CNTN1: variants seen among roughly 807,000 people sequenced by gnomAD.
CNTN1 encodes the protein contactin-1.
In CNTN1, 38 loss-of-function variants were observed where a neutral mutation model predicts 126.4. That is an observed-to-expected ratio of 0.30 (90% CI 0.23 to 0.39). CNTN1 has a LOEUF of 0.39. Ranked by LOEUF, CNTN1 falls within the 10% of genes least tolerant of loss-of-function variation. CNTN1 has a pLI of 1.00. For missense variants in CNTN1, 1,009 were observed against 1,248.4 expected, an observed-to-expected ratio of 0.81 and a Z score of 2.89; for synonymous variants, 413 against 422.6, an observed-to-expected ratio of 0.98 and a Z score of 0.28.
At chr12:40,864,343 A>G (rs1943226753) in intron 1 of CNTN1, among the ~76,000 whole-genome samples, 1 of 151,696 alleles carries the variant, frequency 6.6e-6, no homozygotes, top group Non-Finnish European at 1.5e-5. Flanking sequence ...TCTTTTAATA[A>G]CTTTATTGAG....
At chr12:40,857,764 G>A (rs993282512) in intron 1 of CNTN1, among the ~76,000 whole-genome samples, 2 of 152,138 alleles carry the variant, frequency 1.3e-5, no homozygotes. Flanking sequence ...GCTGAGCTCT[G>A]CATACACAGC....
At chr12:41,052,559 TTTG>T (rs1172362142) in intron 23 of CNTN1, among the ~76,000 whole-genome samples, 1 of 152,268 alleles carries the variant, frequency 6.6e-6, no homozygotes, top group East Asian at 1.9e-4. Context: ...AATTTTCTTA[TTTG>T]TTTTCTTTAT....
intron 23 of CNTN1, among the ~76,000 whole-genome samples, chr12:41,061,119 C>T (rs987466203): frequency 1.3e-5 from 2 of 152,184 alleles, no homozygotes; most frequent in Non-Finnish European, 2.9e-5. Flanking sequence ...GTGTAAATGT[C>T]ACCTTGCATT....
chr12:40,882,982 G>A (rs1385237089), intron 1 of CNTN1, among the ~76,000 whole-genome samples: 1 of 151,484 alleles, frequency 6.6e-6, no homozygotes, highest in Non-Finnish European at 1.5e-5. Flanking sequence ...AGATGCATCT[G>A]ATCGTCTTTC....
intron 6 of CNTN1, among the ~76,000 whole-genome samples, chr12:40,926,080 C>T (rs59111015): frequency 6.6e-6 from 1 of 151,134 alleles, no homozygotes; most frequent in African/African-American, 2.4e-5. Flanking sequence ...ACAGGAAAAG[C>T]TACCAGCCTT....
At chr12:41,058,196 CT>C (rs1949866773) in intron 23 of CNTN1, among the ~76,000 whole-genome samples, 1 of 152,098 alleles carries the variant, frequency 6.6e-6, no homozygotes, top group Non-Finnish European at 1.5e-5. Context: ...TCCCAAGCTT[CT>C]TTTTAGGTTT....
chr12:40,835,026 GAAT>G (rs1313817692), intron 1 of CNTN1, among the ~76,000 whole-genome samples: 4 of 152,248 alleles, frequency 2.6e-5, no homozygotes, highest in African/African-American at 9.6e-5. Context: ...TAAAAGTGGA[GAAT>G]AAGAACTTTA....
chr12:40,840,362 C>T (rs1031979419), intron 1 of CNTN1, among the ~76,000 whole-genome samples: 1 of 151,780 alleles, frequency 6.6e-6, no homozygotes, highest in Non-Finnish European at 1.5e-5. Flanking sequence ...ATTACTAGAT[C>T]TAAAGAGAGA....
At chr12:41,000,037 A>G (rs1200228578) in intron 17 of CNTN1, among the ~76,000 whole-genome samples, 2 of 152,068 alleles carry the variant, frequency 1.3e-5, no homozygotes, top group African/African-American at 4.8e-5. Context: ...CCCATTTTCC[A>G]TGGACTGAGC....
chr12:40,796,687 G>A (rs193245684), intron 1 of CNTN1, among the ~76,000 whole-genome samples: 2 of 152,158 alleles, frequency 1.3e-5, no homozygotes, highest in African/African-American at 4.8e-5. Flanking sequence ...GTGGGAATCT[G>A]GGACAGAAAT....
intron 1 of CNTN1, among the ~76,000 whole-genome samples, chr12:40,807,772 T>A (rs1331779797): frequency 6.6e-6 from 1 of 152,208 alleles, no homozygotes; most frequent in East Asian, 1.9e-4. Flanking sequence ...TTTAGGTAAC[T>A]ACCTTGTAAA....
chr12:40,933,206 A>AT (rs567517218), intron 7 of CNTN1, among the ~76,000 whole-genome samples: 21 of 151,758 alleles, frequency 1.4e-4, no homozygotes, highest in African/African-American at 3.6e-4. Flanking sequence ...TAAAGACAGG[A>AT]TTTTTTTTAG....
chr12:40,788,829 C>T (rs1258202016), intron 1 of CNTN1, among the ~76,000 whole-genome samples: 1 of 152,094 alleles, frequency 6.6e-6, no homozygotes, highest in Non-Finnish European at 1.5e-5. Flanking sequence ...TGCCTCATCA[C>T]ATATATCATA....
intron 23 of CNTN1, among the ~76,000 whole-genome samples, chr12:41,045,616 G>C (rs925427647): frequency 6.6e-6 from 1 of 152,046 alleles, no homozygotes; most frequent in Non-Finnish European, 1.5e-5. Context: ...TACTACATTA[G>C]GGACCAGCTT....
chr12:40,952,820 A>G (rs964214502), intron 14 of CNTN1, among the ~76,000 whole-genome samples: 1 of 152,176 alleles, frequency 6.6e-6, no homozygotes, highest in Non-Finnish European at 1.5e-5. Context: ...AAAGTAAAGA[A>G]GAAACGTTTT....
intron 1 of CNTN1, among the ~76,000 whole-genome samples, chr12:40,768,279 T>C (rs964147569): frequency 6.6e-6 from 1 of 152,234 alleles, no homozygotes; most frequent in Non-Finnish European, 1.5e-5. Flanking sequence ...GTCACGTAGC[T>C]GGTAAGGGTT....
chr12:41,039,295 G>A (rs766994501), intron 23 of CNTN1, among the ~76,000 whole-genome samples: 3 of 152,144 alleles, frequency 2.0e-5, no homozygotes, highest in Non-Finnish European at 4.4e-5. Flanking sequence ...CCAAGCAAGA[G>A]ATGAAGATAG....
intron 1 of CNTN1, among the ~76,000 whole-genome samples, chr12:40,760,976 C>T (rs1938842880): frequency 6.6e-6 from 1 of 152,028 alleles, no homozygotes; most frequent in Non-Finnish European, 1.5e-5. Context: ...AAAAAAATTA[C>T]TCTGTCAAAT....
At chr12:40,716,236 C>G (rs575946911) in intron 1 of CNTN1, among the ~76,000 whole-genome samples, 35 of 151,060 alleles carry the variant, frequency 2.3e-4, no homozygotes, top group Non-Finnish European at 4.3e-4. Flanking sequence ...CTCTCTGTGT[C>G]TCTCTCTCTC....
Sources: gnomAD v4.1 joint callset for allele counts (sites outside exome capture counted in the v4.1 genomes callset) on GRCh38, gnomAD v4.1.1 for gene constraint, MANE v1.5 for transcripts, NCBI Gene and HGNC (gene_info 2026-07-23, HGNC 2026-07-21) for gene names.